The following TLE5 variants were observed in gnomAD, a reference collection of about 807,000 sequenced individuals.
TLE5 encodes the protein TLE family member 5.
A neutral mutation model predicts 25.8 loss-of-function variants in TLE5; 7 were observed. The observed-to-expected ratio is 0.27, with a 90% CI of 0.15 to 0.51. TLE5 has a LOEUF of 0.51. TLE5 is among the 20% of genes least tolerant of loss of function. The pLI, the probability that TLE5 is intolerant of heterozygous loss-of-function variation, is 0.97. For synonymous variants in TLE5, 132 were observed against 110.5 expected (o/e 1.20, Z -1.22); for missense variants, 149 against 250.7 (o/e 0.59, Z 2.74).
At chr19:3,059,768 C>G (rs181660390) in intron 2 of TLE5, among the ~76,000 whole-genome samples, 3 of 152,290 alleles carry the variant, frequency 2.0e-5, no homozygotes, top group Non-Finnish European at 4.4e-5. Flanking sequence ...CATCTGATCC[C>G]TTCCCTGTGG....
chr19:3,055,601 T>C (rs1599268792), intron 5 of TLE5, 63 bp downstream of exon 5: 1 of 1,460,132 alleles, frequency 6.8e-7, no homozygotes, highest in Middle Eastern at 1.8e-4. Context: ...ATGGCTGCAG[T>C]GGACAGGGGC....
rs2090188126 is a variant in TLE5, at chr19:3,053,174, T to C, written c.*645A>G. 1 of 152,072 alleles carries C rather than the reference T, an allele frequency of 6.6e-6. No individual in the cohort carries two copies. The highest frequency in any genetic ancestry group is 2.1e-4 in the South Asian group (1 of 4,812). 9.4% of individuals were successfully genotyped at this position (152,072 alleles called of 1,614,324 possible). A position where few individuals can be genotyped will look rare whatever the true frequency, so the allele number is the denominator to read the frequency against. On this transcript the variant is annotated 3_prime_UTR_variant, in exon 7 of 7. Transcript: ENST00000327141. The stretch of plus-strand genomic sequence containing the variant: ...CCAAGACAACTTTAGTACCCTCATC[T>C]TTATTTGGGAAGGGGAGGGGGAATC...
At chr19:3,056,461 G>A (rs2090219902) in intron 3 of TLE5, 105 bp from the exon 4 acceptor site, 1 of 531,548 alleles carries the variant, frequency 1.9e-6, no homozygotes, top group Admixed American at 2.7e-5. Flanking sequence ...AAAGGGGGGA[G>A]ACAGCAAGAG....
chr19:3,054,321 G>A (rs2090200135), intron 5 of TLE5, 127 bp from the exon 6 acceptor site: 1 of 869,930 alleles, frequency 1.1e-6, no homozygotes, highest in Non-Finnish European at 1.8e-6. Context: ...TCCTCCCAGT[G>A]GTTTTCAACC....
rs2090199256 is a variant in TLE5 at position 3,054,209 on chromosome 19, G to A, written c.298-15C>T. 25 of 1,606,718 alleles carry A rather than the reference G, an allele frequency of 1.6e-5. No individual in the cohort carries two copies. Among genetic ancestry groups the A allele is most frequent in the Non-Finnish European group, 2.0e-5 (24 of 1,178,604 alleles). ...TGCTGCTGGTGCTGGAAGGGGGTCG[G>A]GGGAGAGGAGAGGCAGTGATTCCTC... On this transcript the variant is annotated splice_polypyrimidine_tract_variant and intron_variant, in intron 5 of 6. Coordinates refer to ENST00000327141, the MANE Select transcript of TLE5 (RefSeq NM_001130.6).
chr19:3,056,844 A>T (rs934273216), intron 3 of TLE5: 3 of 221,700 alleles, frequency 1.4e-5, no homozygotes, highest in Non-Finnish European at 2.8e-5. Context: ...CCCTGCTCTA[A>T]ACCCTCCCAT....
At chr19:3,059,838 C>T (rs1333861551) in intron 2 of TLE5, among the ~76,000 whole-genome samples, 2 of 152,190 alleles carry the variant, frequency 1.3e-5, no homozygotes, top group East Asian at 1.9e-4. Context: ...GAGGAACCCG[C>T]ACAAAAGCTT....
At chr19:3,058,514 T>TG (rs566310688) in intron 2 of TLE5, among the ~76,000 whole-genome samples, 101 of 152,294 alleles carry the variant, frequency 6.6e-4, no homozygotes, top group African/African-American at 2.3e-3. Context: ...CCTAGCTTCA[T>TG]GGGGGGCCTG....
At position 3,053,905 on chromosome 19, in the gene TLE5, C is replaced by G; in HGVS notation, c.508G>C (p.Gly170Arg). The G allele has an allele frequency of 6.2e-7, 1 of 1,613,176 alleles. No individual in the cohort carries two copies. The highest frequency in any genetic ancestry group is 1.1e-5 in the South Asian group (1 of 91,090). ...GTGLLSLSAL[G>R]SQAHLSKEDK... ...TCCTTGGAGAGGTGGGCCTGGGAAC[C>G]CAGCGCGGACAGCGAGAGGAGGCCG... is the stretch of plus-strand genomic sequence containing the variant. Residue 170 changes from glycine to arginine, a missense_variant, in exon 7 of 7, where the codon GGT (glycine) becomes CGT (arginine). Coordinates refer to ENST00000327141, the MANE Select transcript of TLE5 (RefSeq NM_001130.6).
chr19:3,055,569 G>A, intron 5 of TLE5, 95 bp downstream of exon 5: 1 of 1,177,144 alleles, frequency 8.5e-7, no homozygotes, highest in Non-Finnish European at 1.2e-6. Context: ...TGTGCCCTGG[G>A]GCGCCCAGCA....
In TLE5 at chr19:3,053,906, C is replaced by T; in HGVS notation, c.507G>A (p.Leu169=). The change falls in exon 7 of 7, where the codon CTG becomes CTA. Residue 169 remains leucine (L), a synonymous_variant. Coordinates refer to ENST00000327141, the MANE Select transcript of TLE5 (RefSeq NM_001130.6). ...AGTGLLSLSA[L]GSQAHLSKED... The stretch of plus-strand genomic sequence containing the variant: ...CCTTGGAGAGGTGGGCCTGGGAACC[C>T]AGCGCGGACAGCGAGAGGAGGCCGG... 6.2e-7 allele frequency: 1 copy of T among 1,613,112 alleles called. No individual in the cohort carries two copies. Among genetic ancestry groups the T allele is most frequent in the Non-Finnish European group, 8.5e-7 (1 of 1,180,002 alleles).
At chr19:3,061,889 G>T (rs1018603062) in intron 1 of TLE5, among the ~76,000 whole-genome samples, 2 of 127,058 alleles carry the variant, frequency 1.6e-5, no homozygotes, top group Non-Finnish European at 3.2e-5. Context: ...GGCGGGTTGG[G>T]GGGGGGGGGC....
intron 2 of TLE5, chr19:3,060,852 C>A (rs75466989): frequency 1.0e-5 from 2 of 193,868 alleles, no homozygotes; most frequent in East Asian, 2.5e-4. Flanking sequence ...GAGTCCGTGC[C>A]GTAACTCCAA....
chr19:3,054,053 G>A lies in TLE5; in HGVS notation c.373-13C>T. The stretch of plus-strand genomic sequence containing the variant: ...CTTGGAGCTGCTGCTGCAGGGCGGG[G>A]GAGGGGAACATTAGCTGCCTGGGGC... On this transcript the variant is annotated splice_polypyrimidine_tract_variant and intron_variant, in intron 6 of 6. Transcript: ENST00000327141. 2 of 1,574,724 alleles carry A rather than the reference G, an allele frequency of 1.3e-6. No individual in the cohort carries two copies. Among genetic ancestry groups the A allele is most frequent in the Non-Finnish European group, 1.7e-6 (2 of 1,161,776 alleles).
Position 3,061,204 on chromosome 19 carries a change from G to A in TLE5, c.81C>T (p.Asp27=), listed in dbSNP as rs374933320. 3.1e-6 allele frequency: 5 copies of A among 1,613,782 alleles called. No individual in the cohort carries two copies. In the African/African-American group the frequency reaches 6.7e-5, roughly 22 times the overall value. ...QLKFTTSDSC[D]RIKDEFQLLQ... ...GTAGCTGAAATTCGTCTTTGATGCG[G>A]TCGCAGGAGTCCGAGGTGGTGAATT... is the stretch of plus-strand genomic sequence containing the variant. Residue 27 remains aspartate, a synonymous_variant, in exon 2 of 7, where the codon GAC becomes GAT. Coordinates refer to ENST00000327141, the MANE Select transcript of TLE5 (RefSeq NM_001130.6).
intron 4 of TLE5, 124 bp downstream of exon 4, chr19:3,056,188 G>A: frequency 3.2e-6 from 2 of 622,590 alleles, no homozygotes; most frequent in Non-Finnish European, 5.5e-6. Context: ...AGGATAACCG[G>A]GCTGGCTTGG....
At chr19:3,058,909 C>A (rs1445363402) in intron 2 of TLE5, among the ~76,000 whole-genome samples, 1 of 152,212 alleles carries the variant, frequency 6.6e-6, no homozygotes, top group East Asian at 1.9e-4. Context: ...CCTTCGTCTT[C>A]CCTGCTGTGT....
At chr19:3,062,499 C>A (rs1227070797), upstream of TLE5, 1 of 627,352 alleles carries the variant, frequency 1.6e-6, no homozygotes, top group Middle Eastern at 8.1e-4. Context: ...CGGCAGTGGC[C>A]GCGGCTCGGC....
intron 3 of TLE5, chr19:3,057,478 C>A (rs866670560): frequency 5.1e-6 from 3 of 583,850 alleles, no homozygotes; most frequent in African/African-American, 3.8e-5. Flanking sequence ...TTTGGCACCT[C>A]GGCCACTGCC....
Sources: allele counts gnomAD v4.1 joint callset (sites outside exome capture counted in the v4.1 genomes callset), GRCh38; gene constraint gnomAD v4.1.1; transcripts MANE v1.5; gene names NCBI Gene and HGNC (gene_info 2026-07-23, HGNC 2026-07-21).